The following RAB31 variants were observed in gnomAD, a reference collection of about 807,000 sequenced individuals.
RAB31 encodes the protein RAB31, member RAS oncogene family, also known as ras-related protein Rab-31.
Under a neutral mutation model 25.6 loss-of-function variants are expected in RAB31, and 21 were observed. That is an observed-to-expected ratio of 0.82 (90% CI 0.58 to 1.18). The LOEUF (loss-of-function observed/expected upper bound fraction) is 1.18. Among genes scored for constraint, RAB31 ranks in the 50% most tolerant of loss-of-function variants. RAB31 has a pLI of 0.00. For missense variants in RAB31, 196 were observed against 250.1 expected, an observed-to-expected ratio of 0.78 and a Z score of 1.46; for synonymous variants, 87 against 84.0, an observed-to-expected ratio of 1.04 and a Z score of -0.20.
At chr18:9,785,482 G>C (rs1599037545) in intron 2 of RAB31, among the ~76,000 whole-genome samples, 2 of 152,188 alleles carry the variant, frequency 1.3e-5, no homozygotes, top group Admixed American at 6.5e-5. Context: ...ATATATATAG[G>C]TTTTCACTTA....
chr18:9,821,993 G>A (rs555502165), intron 5 of RAB31, among the ~76,000 whole-genome samples: 1 of 152,220 alleles, frequency 6.6e-6, no homozygotes, highest in East Asian at 1.9e-4. Context: ...CACAGACACT[G>A]AATAGCTAAA....
At chr18:9,773,727 T>A (rs2068357419) in intron 1 of RAB31, among the ~76,000 whole-genome samples, 1 of 152,178 alleles carries the variant, frequency 6.6e-6, no homozygotes. Context: ...GGCACAATCA[T>A]AGCTCACTGC....
intron 1 of RAB31, among the ~76,000 whole-genome samples, chr18:9,738,968 G>A (rs1318218577): frequency 1.3e-5 from 2 of 152,208 alleles, no homozygotes; most frequent in Admixed American, 1.3e-4. Context: ...TGCTTGGTGT[G>A]TGGGGAAAAC....
intron 3 of RAB31, among the ~76,000 whole-genome samples, chr18:9,812,400 T>C (rs750046324): frequency 1.5e-4 from 23 of 152,200 alleles, no homozygotes; most frequent in Non-Finnish European, 2.2e-4. Flanking sequence ...TTGATTATAT[T>C]ACCAACAGTT....
intron 1 of RAB31, among the ~76,000 whole-genome samples, chr18:9,745,616 A>G (rs1428981092): frequency 1.3e-5 from 2 of 152,224 alleles, no homozygotes; most frequent in African/African-American, 4.8e-5. Flanking sequence ...CCAGGAGTGC[A>G]AGGGTGGTTT....
chr18:9,779,632 G>A (rs764564325), intron 2 of RAB31, among the ~76,000 whole-genome samples: 9 of 152,180 alleles, frequency 5.9e-5, no homozygotes, highest in Non-Finnish European at 1.0e-4. Flanking sequence ...TGGGACATGT[G>A]TATACTAAAA....
chr18:9,779,480 A>G (rs2068391012), intron 2 of RAB31, among the ~76,000 whole-genome samples: 1 of 152,178 alleles, frequency 6.6e-6, no homozygotes. Context: ...TTCCCAGTCC[A>G]CTTAGGTCCT....
intron 1 of RAB31, among the ~76,000 whole-genome samples, chr18:9,751,419 A>C (rs571815779): frequency 6.6e-6 from 1 of 152,360 alleles, no homozygotes; most frequent in South Asian, 2.1e-4. Flanking sequence ...TGCTGAGTGC[A>C]TGTGCAACAG....
At chr18:9,754,429 G>A (rs1434075904) in intron 1 of RAB31, among the ~76,000 whole-genome samples, 4 of 152,066 alleles carry the variant, frequency 2.6e-5, no homozygotes, top group Admixed American at 6.5e-5. Context: ...ACAGGTGCCC[G>A]CCACCACACC....
intron 1 of RAB31, among the ~76,000 whole-genome samples, chr18:9,773,952 C>T (rs2068358773): frequency 6.6e-6 from 1 of 152,160 alleles, no homozygotes; most frequent in Non-Finnish European, 1.5e-5. Context: ...TGAGCCACTA[C>T]ACCTAGCCAT....
At chr18:9,780,977 T>C (rs2068400982) in intron 2 of RAB31, among the ~76,000 whole-genome samples, 1 of 151,040 alleles carries the variant, frequency 6.6e-6, no homozygotes, top group Non-Finnish European at 1.5e-5. Flanking sequence ...CATAAATAAA[T>C]AATGTTATGA....
intron 5 of RAB31, among the ~76,000 whole-genome samples, chr18:9,828,485 TG>T (rs1199875860): frequency 1.3e-5 from 2 of 152,312 alleles, no homozygotes; most frequent in Admixed American, 6.5e-5. Context: ...AATCTATAGC[TG>T]GAAACCAGGG....
In RAB31 at chr18:9,859,219, T is replaced by G. The variant is rs1256419399; in HGVS notation, c.491-9T>G. The G allele has an allele frequency of 6.2e-7, 1 of 1,609,086 alleles. No homozygotes were observed. Among genetic ancestry groups the G allele is most frequent in the Non-Finnish European group, 8.5e-7 (1 of 1,175,522 alleles). ...AGGGAACTCACCCTTGGCCTCCTTT[T>G]TGTTGCAGGCCGCCAGATCCCACCC... is the stretch of plus-strand genomic sequence containing the variant. On this transcript the variant is annotated splice_polypyrimidine_tract_variant and intron_variant, in intron 6 of 6. Coordinates refer to ENST00000578921, the MANE Select transcript of RAB31 (RefSeq NM_006868.4).
intron 1 of RAB31, among the ~76,000 whole-genome samples, chr18:9,760,623 GGT>G (rs2068283325): frequency 6.6e-6 from 1 of 152,182 alleles, no homozygotes; most frequent in Admixed American, 6.5e-5. Flanking sequence ...AGCTCCGGGA[GGT>G]GTTCATGCTT....
intron 5 of RAB31, among the ~76,000 whole-genome samples, chr18:9,837,927 G>A (rs553264695): frequency 2.6e-5 from 4 of 152,118 alleles, no homozygotes; most frequent in Non-Finnish European, 5.9e-5. Flanking sequence ...GGTTGAGTTG[G>A]ATAACACTAC....
At chr18:9,719,336 T>TATATATATATATATAA (rs1175080967) in intron 1 of RAB31, among the ~76,000 whole-genome samples, 1 of 83,892 alleles carries the variant, frequency 1.2e-5, no homozygotes, top group East Asian at 4.6e-4. Flanking sequence ...TATAAATAAA[T>TATATATATATATATAA]AAATTTGATC....
intron 5 of RAB31, among the ~76,000 whole-genome samples, chr18:9,845,074 A>T (rs989527385): frequency 4.6e-5 from 7 of 152,120 alleles, no homozygotes; most frequent in African/African-American, 1.7e-4. Flanking sequence ...GAAAGTCCAG[A>T]TATGCCATCC....
intron 2 of RAB31, among the ~76,000 whole-genome samples, chr18:9,778,813 C>A (rs2068387362): frequency 6.6e-6 from 1 of 152,136 alleles, no homozygotes; most frequent in Non-Finnish European, 1.5e-5. Context: ...CCTGCTAATA[C>A]CTGACCATTG....
At chr18:9,857,901 A>G (rs1407795031) in intron 6 of RAB31, among the ~76,000 whole-genome samples, 1 of 151,622 alleles carries the variant, frequency 6.6e-6, no homozygotes, top group Non-Finnish European at 1.5e-5. Context: ...ATGGTGGCGC[A>G]CACCTATAGT....
Sources: allele counts gnomAD v4.1 joint callset (sites outside exome capture counted in the v4.1 genomes callset), GRCh38; gene constraint gnomAD v4.1.1; transcripts MANE v1.5; gene names NCBI Gene and HGNC (gene_info 2026-07-23, HGNC 2026-07-21).